Variants in TM9SF4 observed in about 807,000 individuals in gnomAD.
TM9SF4 encodes dinucleotide oxidase disulfide thiol exchanger 3 superfamily member 4.
In TM9SF4, 26 loss-of-function variants were observed where a neutral mutation model predicts 90.4. The ratio of observed to expected loss-of-function variants is 0.29; its 90% CI spans 0.21 to 0.40. The LOEUF (loss-of-function observed/expected upper bound fraction) is 0.40. Among genes scored for constraint, TM9SF4 ranks in the 10% least tolerant of loss-of-function variants. The pLI is 1.00. For missense variants in TM9SF4, 549 were observed against 834.8 expected (o/e 0.66, Z 4.22); for synonymous variants, 293 against 315.4 (o/e 0.93, Z 0.75).
intron 14 of TM9SF4, 31 bp from the exon 15 acceptor site, chr20:32,158,420 C>T (rs1569107228): frequency 6.2e-7 from 1 of 1,613,702 alleles, no homozygotes; most frequent in Admixed American, 1.7e-5. Context: ...GGCCTGGTCT[C>T]TAACAATGTC....
chr20:32,148,097 C>T (rs2046789796), intron 9 of TM9SF4, among the ~76,000 whole-genome samples: 1 of 152,032 alleles, frequency 6.6e-6, no homozygotes, highest in Non-Finnish European at 1.5e-5. Context: ...GGCAACAGAG[C>T]AAGACTCCGT....
Position 32,165,622 on chromosome 20 carries a change from T to C in TM9SF4, c.*178T>C. The C allele has an allele frequency of 1.4e-6, 1 of 700,192 alleles. No homozygotes were observed. Among genetic ancestry groups the C allele is most frequent in the Non-Finnish European group, 2.3e-6 (1 of 431,818 alleles). The allele number at this position is 700,192 out of a possible 1,614,324, so 43.4% of individuals were successfully genotyped here. ...GGAGGGCCTGTAGATAATCTTGCGT[T>C]TTTCGTCATCTTATTCCAGTTCTGT... On this transcript the variant is annotated 3_prime_UTR_variant, in exon 18 of 18. Coordinates refer to ENST00000398022, the MANE Select transcript of TM9SF4 (RefSeq NM_014742.4).
In TM9SF4 at chr20:32,109,750, G is replaced by A; in HGVS notation, c.10G>A (p.Ala4Thr). The A allele has an allele frequency of 2.6e-6, 4 of 1,551,658 alleles. No homozygotes were observed. The highest frequency in any genetic ancestry group is 1.2e-5 in the South Asian group (1 of 84,070). Reference sequence around the variant, plus strand: ...GACACGTGGATCCAAGATGGCGACGGCGATGGTGAGTGAAGGAGACTCCGG... The same window carrying A: ...GACACGTGGATCCAAGATGGCGACGACGATGGTGAGTGAAGGAGACTCCGG... MAT[A>T]MDWLPWSLLL... Residue 4 changes from alanine to threonine, a missense_variant, in exon 1 of 18, where the codon GCG (alanine) becomes ACG (threonine). Ala to Thr is a moderately conservative substitution (Grantham distance 58). Around this residue, in one of 2 missense-constraint regions of TM9SF4, gnomAD observed 495 missense variants for 711.7 expected, o/e 0.70. Transcript: ENST00000398022.
At chr20:32,161,230 G>C in intron 16 of TM9SF4, 46 bp from the exon 17 acceptor site, 1 of 1,551,772 alleles carries the variant, frequency 6.4e-7, no homozygotes, top group South Asian at 1.1e-5. Context: ...GGTAGGAAGG[G>C]GTTCTGCCCC....
chr20:32,117,483 G>A (rs971228792), intron 1 of TM9SF4, among the ~76,000 whole-genome samples: 1 of 152,168 alleles, frequency 6.6e-6, no homozygotes, highest in African/African-American at 2.4e-5. Context: ...CGTTCTCAGG[G>A]AAACTTCCTG....
chr20:32,120,895 A>T (rs1416679411), intron 1 of TM9SF4, among the ~76,000 whole-genome samples: 1 of 152,196 alleles, frequency 6.6e-6, no homozygotes, highest in Non-Finnish European at 1.5e-5. Context: ...TATGATGATC[A>T]TATGATTTTT....
chr20:32,131,175 C>T (rs879703985), intron 1 of TM9SF4, among the ~76,000 whole-genome samples: 1 of 152,158 alleles, frequency 6.6e-6, no homozygotes, highest in South Asian at 2.1e-4. Context: ...ATACACCTGT[C>T]TTAGCCATGG....
intron 6 of TM9SF4, 90 bp from the exon 7 acceptor site, chr20:32,145,001 G>C: frequency 2.4e-6 from 3 of 1,242,664 alleles, no homozygotes; most frequent in Admixed American, 1.7e-5. Flanking sequence ...GGGTCTCCGC[G>C]ACAGGCAGCC....
At chr20:32,160,187 A>G (rs768935818) in intron 16 of TM9SF4, 76 bp downstream of exon 16, 123 of 1,599,866 alleles carry the variant, frequency 7.7e-5, no homozygotes, top group Non-Finnish European at 1.0e-4. Flanking sequence ...GGCTCTGCGG[A>G]GAGGCTGGGT....
chr20:32,118,639 A>T (rs1245856944), intron 1 of TM9SF4, among the ~76,000 whole-genome samples: 1 of 131,340 alleles, frequency 7.6e-6, no homozygotes, highest in Non-Finnish European at 1.6e-5. Context: ...TTATTTATTT[A>T]TTTATTTTTA....
chr20:32,156,192 G>A (rs912468965), intron 13 of TM9SF4, among the ~76,000 whole-genome samples: 15 of 152,104 alleles, frequency 9.9e-5, no homozygotes, highest in African/African-American at 3.6e-4. Flanking sequence ...ACATTTATAT[G>A]ATGCTTGCTT....
At chr20:32,145,035 C>G (rs2046741697) in intron 6 of TM9SF4, 56 bp from the exon 7 acceptor site, 1 of 1,561,456 alleles carries the variant, frequency 6.4e-7, no homozygotes, top group Admixed American at 1.7e-5. Flanking sequence ...CTGGAATAGC[C>G]CCTGGGCAGT....
intron 12 of TM9SF4, among the ~76,000 whole-genome samples, chr20:32,152,178 G>C (rs903740051): frequency 2.0e-5 from 3 of 151,822 alleles, no homozygotes; most frequent in Non-Finnish European, 4.4e-5. Flanking sequence ...CCAACTTCCT[G>C]AATTCTTGAT....
chr20:32,146,528 G>C (rs747001988), intron 8 of TM9SF4, among the ~76,000 whole-genome samples: 8 of 152,080 alleles, frequency 5.3e-5, no homozygotes, highest in Admixed American at 2.0e-4. Context: ...CAGCTGGGAT[G>C]CTCCTCTCCC....
chr20:32,163,207 C>G (rs1245464191), intron 17 of TM9SF4, among the ~76,000 whole-genome samples: 1 of 139,388 alleles, frequency 7.2e-6, no homozygotes, highest in East Asian at 2.1e-4. Context: ...GATCGTGCCA[C>G]TGCACTCTAG....
chr20:32,136,606 CCA>C (rs2122386683), intron 3 of TM9SF4, among the ~76,000 whole-genome samples: 1 of 152,292 alleles, frequency 6.6e-6, no homozygotes, highest in Admixed American at 6.5e-5. Context: ...AGAGATGCCA[CCA>C]CAGTTCTTGC....
intron 1 of TM9SF4, among the ~76,000 whole-genome samples, chr20:32,124,439 C>T (rs2046388678): frequency 6.6e-6 from 1 of 152,166 alleles, no homozygotes; most frequent in African/African-American, 2.4e-5. Flanking sequence ...TGGTTCCCAG[C>T]CTGGTGATAG....
Position 32,119,522 on chromosome 20 carries a change from G to A in TM9SF4, c.15+9767G>A, listed in dbSNP as rs371326560. On this transcript the variant is annotated intron_variant, in intron 1 of 17. Transcript: ENST00000398022. Reference sequence around the variant, plus strand: ...CAAATCTCTTGTCCATTTTTAAATCGGATTGTCATTTTCTTATTAAGTGTT... The same window carrying A: ...CAAATCTCTTGTCCATTTTTAAATCAGATTGTCATTTTCTTATTAAGTGTT... Among the ~76,000 whole-genome samples the A allele has an allele frequency of 3.5e-5, 5 of 142,422 alleles. No homozygotes were observed. In the East Asian group the frequency reaches 7.0e-4, roughly 20 times the overall value. The allele number at this position is 142,422 out of a possible 152,430, so 93.4% of individuals were successfully genotyped here. A position where few individuals can be genotyped will look rare whatever the true frequency, so the allele number is the denominator to read the frequency against.
chr20:32,135,457 A>G (rs1359373751), intron 2 of TM9SF4, among the ~76,000 whole-genome samples: 1 of 152,188 alleles, frequency 6.6e-6, no homozygotes, highest in African/African-American at 2.4e-5. Flanking sequence ...GGAGAAACTG[A>G]TTTTTTAAAA....
Sources: allele counts gnomAD v4.1 joint callset (sites outside exome capture counted in the v4.1 genomes callset), GRCh38; gene constraint gnomAD v4.1.1; regional missense constraint gnomAD v4.1.1; transcripts MANE v1.5; gene names NCBI Gene and HGNC (gene_info 2026-07-23, HGNC 2026-07-21).